GRAMD1C: variants seen among roughly 807,000 people sequenced by gnomAD.
GRAMD1C encodes the protein protein Aster-C.
GRAMD1C carries 89 observed loss-of-function variants against 97.8 expected under a neutral mutation model. That is an observed-to-expected ratio of 0.91 (90% CI 0.77 to 1.09). GRAMD1C has a LOEUF of 1.09. GRAMD1C is among the 50% of genes least tolerant of loss of function. The probability of loss-of-function intolerance (pLI) is 0.00; values close to 1 mark genes in which losing one functional copy is unlikely to be tolerated. For synonymous variants in GRAMD1C, 256 were observed against 267.0 expected, an observed-to-expected ratio of 0.96 and a Z score of 0.40; for missense variants, 740 against 766.4, an observed-to-expected ratio of 0.97 and a Z score of 0.41.
chr3:113,838,844 A>T lies in GRAMD1C; in HGVS notation c.-66A>T. ...GCCTGTAACTCGCAGCGCGCGCTGG[A>T]GGTGGGCGCGGGGCGGTGCGGTGCG... On this transcript the variant is annotated 5_prime_UTR_variant, in exon 1 of 18. Coordinates refer to ENST00000358160, the MANE Select transcript of GRAMD1C (RefSeq NM_017577.5). 4 of 1,168,794 alleles carry T rather than the reference A, an allele frequency of 3.4e-6. No homozygotes were observed. Among genetic ancestry groups the T allele is most frequent in the Middle Eastern group, 2.4e-4 (1 of 4,170 alleles). The allele number at this position is 1,168,794 out of a possible 1,614,324, so 72.4% of individuals were successfully genotyped here.
intron 6 of GRAMD1C, chr3:113,886,122 T>A: frequency 6.7e-7 from 1 of 1,485,116 alleles, no homozygotes; most frequent in South Asian, 1.3e-5. Flanking sequence ...CCCTGTCCAA[T>A]GTGAGGACTG....
At chr3:113,895,952 C>T (rs1219361868) in intron 6 of GRAMD1C, among the ~76,000 whole-genome samples, 1 of 152,164 alleles carries the variant, frequency 6.6e-6, no homozygotes, top group Non-Finnish European at 1.5e-5. Context: ...GTTTTAAAAT[C>T]ATGTCTTTTA....
intron 6 of GRAMD1C, among the ~76,000 whole-genome samples, chr3:113,895,498 C>T (rs188160328): frequency 5.3e-4 from 81 of 152,164 alleles, no homozygotes; most frequent in Admixed American, 2.3e-3. Flanking sequence ...CTTTAGCCTG[C>T]GCAACATTAT....
intron 6 of GRAMD1C, among the ~76,000 whole-genome samples, chr3:113,896,107 C>T (rs952398311): frequency 2.6e-5 from 4 of 152,118 alleles, no homozygotes; most frequent in African/African-American, 9.7e-5. Flanking sequence ...ACTGTATCTC[C>T]TCTCCCTGCC....
At chr3:113,849,947 AC>A (rs1933805552) in intron 2 of GRAMD1C, among the ~76,000 whole-genome samples, 2 of 120,678 alleles carry the variant, frequency 1.7e-5, no homozygotes, top group South Asian at 5.4e-4. Flanking sequence ...TCCCTCCCGG[AC>A]GGGGCGGCTG....
intron 6 of GRAMD1C, among the ~76,000 whole-genome samples, chr3:113,898,391 G>A (rs917156078): frequency 6.6e-6 from 1 of 152,012 alleles, no homozygotes; most frequent in Admixed American, 6.5e-5. Flanking sequence ...AACCATCCTA[G>A]TAAGACACTA....
chr3:113,927,730 A>G (rs969571010), intron 10 of GRAMD1C, among the ~76,000 whole-genome samples: 4 of 152,114 alleles, frequency 2.6e-5, no homozygotes, highest in African/African-American at 9.7e-5. Flanking sequence ...CCCTGCTGTC[A>G]AGGTGTTTCC....
chr3:113,869,543 TACAGAA>T lies in GRAMD1C; in HGVS notation c.212_217del (p.Tyr71_Arg73delinsTer). 3 of 1,549,162 alleles carry T rather than the reference TACAGAA, an allele frequency of 1.9e-6. No individual in the cohort carries two copies. The highest frequency in any genetic ancestry group is 2.7e-6 in the Non-Finnish European group (3 of 1,131,602). Reference sequence around the variant, plus strand: ...CACCTATAAAGACAGGAATGAGGAATACAGAAGACAGTTCACACATCTACCTGATAC... The same window carrying T: ...CACCTATAAAGACAGGAATGAGGAATGACAGTTCACACATCTACCTGATAC... On this transcript the variant is annotated stop_gained and inframe_deletion, in exon 3 of 18. Coordinates refer to ENST00000358160, the MANE Select transcript of GRAMD1C (RefSeq NM_017577.5). LOFTEE classifies it high-confidence loss of function.
chr3:113,885,019 ACCTGT>A (rs1465808882), intron 6 of GRAMD1C, among the ~76,000 whole-genome samples: 1 of 135,752 alleles, frequency 7.4e-6, no homozygotes, highest in Non-Finnish European at 1.6e-5. Flanking sequence ...TCCTAGCCCG[ACCTGT>A]CTCGGCCCGC....
chr3:113,885,359 G>A (rs1181498508), intron 6 of GRAMD1C: 29 of 1,593,788 alleles, frequency 1.8e-5, no homozygotes, highest in Non-Finnish European at 2.5e-5. Context: ...GCCAAGCTCT[G>A]GAGCTTCTTC....
chr3:113,837,110 T>TTCCC (rs1176009078), upstream of GRAMD1C, among the ~76,000 whole-genome samples: 1 of 151,432 alleles, frequency 6.6e-6, no homozygotes, highest in Non-Finnish European at 1.5e-5. Flanking sequence ...CCTTCCTTCC[T>TTCCC]TCCCTCTCTC....
intron 9 of GRAMD1C, among the ~76,000 whole-genome samples, chr3:113,910,197 C>T (rs897809814): frequency 6.6e-6 from 1 of 152,140 alleles, no homozygotes; most frequent in Non-Finnish European, 1.5e-5. Context: ...GTCTGGTCAA[C>T]GTAGTGAAAC....
chr3:113,882,724 A>C (rs1278452174), intron 5 of GRAMD1C, 28 bp from the exon 6 acceptor site: 1 of 1,313,624 alleles, frequency 7.6e-7, no homozygotes, highest in South Asian at 1.2e-5. Flanking sequence ...CCATGACACT[A>C]AAATTCTCCT....
intron 14 of GRAMD1C, among the ~76,000 whole-genome samples, chr3:113,937,803 G>C (rs551372020): frequency 1.3e-5 from 2 of 152,072 alleles, no homozygotes; most frequent in African/African-American, 4.8e-5. Context: ...TCAGGAGTTC[G>C]AGACCAGCCT....
chr3:113,841,285 C>CTTTTTTTT (rs772233296), intron 1 of GRAMD1C, among the ~76,000 whole-genome samples: 6,073 of 94,218 alleles, frequency 0.064, 803 homozygotes, highest in African/African-American at 0.071. Context: ...TTCTTTCTTT[C>CTTTTTTTT]TTTTTTTTTT....
intron 10 of GRAMD1C, among the ~76,000 whole-genome samples, chr3:113,918,482 C>T (rs1468722083): frequency 6.6e-6 from 1 of 152,182 alleles, no homozygotes; most frequent in Non-Finnish European, 1.5e-5. Context: ...TCTGATATAT[C>T]TGGCTTCAAT....
At chr3:113,853,627 A>G (rs1003638070) in intron 2 of GRAMD1C, among the ~76,000 whole-genome samples, 32 of 152,234 alleles carry the variant, frequency 2.1e-4, no homozygotes, top group Non-Finnish European at 3.5e-4. Context: ...AGTGTCTTCT[A>G]TGCACGAGAA....
intron 2 of GRAMD1C, among the ~76,000 whole-genome samples, chr3:113,860,466 T>C (rs1238998713): frequency 6.6e-6 from 1 of 152,228 alleles, no homozygotes; most frequent in Non-Finnish European, 1.5e-5. Flanking sequence ...CTCAGACTAA[T>C]CTACAGATTC....
At chr3:113,842,980 A>G (rs78492808) in intron 1 of GRAMD1C, among the ~76,000 whole-genome samples, 18,294 of 149,788 alleles carry the variant, frequency 0.12, 1,550 homozygotes, top group African/African-American at 0.23. Flanking sequence ...AAACAAAACA[A>G]AAAGAACCTC....
Sources: allele counts gnomAD v4.1 joint callset (sites outside exome capture counted in the v4.1 genomes callset), GRCh38; gene constraint gnomAD v4.1.1; transcripts MANE v1.5; gene names NCBI Gene and HGNC (gene_info 2026-07-23, HGNC 2026-07-21).